The following NCOA2 variants were observed in gnomAD, a reference collection of about 807,000 sequenced individuals.
NCOA2 encodes nuclear receptor coactivator 2.
In NCOA2, 21 loss-of-function variants were observed where a neutral mutation model predicts 145.1. The observed-to-expected ratio is 0.14, with a 90% confidence interval of 0.10 to 0.21. The LOEUF (loss-of-function observed/expected upper bound fraction) is 0.21, where lower values mean the gene tolerates loss of function less well. Among genes scored for constraint, NCOA2 ranks in the 10% least tolerant of loss-of-function variants. NCOA2 has a pLI of 1.00. For missense variants in NCOA2, 1,472 were observed against 1,837.6 expected (o/e 0.80, Z 3.64); for synonymous variants, 619 against 637.5 (o/e 0.97, Z 0.44).
In NCOA2 at chr8:70,111,161, G is replaced by A. The variant is rs138693819; in HGVS notation, c.*2471C>T. 5.9e-4 allele frequency: 130 copies of A among 221,064 alleles called. No homozygotes were observed. The highest frequency in any genetic ancestry group is 3.1e-3 in the South Asian group (17 of 5,430). The allele number at this position is 221,064 out of a possible 1,614,324, so 13.7% of individuals were successfully genotyped here. A position where few individuals can be genotyped will look rare whatever the true frequency, so the allele number is the denominator to read the frequency against. The stretch of plus-strand genomic sequence containing the variant: ...TTTCCTTCAAAACAGCAATGATCAC[G>A]AATTATTATAAATTACCAGTATCAT... On this transcript the variant is annotated 3_prime_UTR_variant, in exon 23 of 23. Coordinates refer to ENST00000452400, the MANE Select transcript of NCOA2 (RefSeq NM_006540.4).
the NCOA2 span, among the ~76,000 whole-genome samples, chr8:70,432,761 T>C: frequency 6.6e-6 from 1 of 152,144 alleles, no homozygotes; most frequent in East Asian, 1.9e-4. Context: ...AAAATTACAA[T>C]AAAAATTCTT....
At position 70,170,471 on chromosome 8, in the gene NCOA2, C is replaced by T. The variant is rs148824688; in HGVS notation, c.364-92G>A. On this transcript the variant is annotated intron_variant, in intron 5 of 22. Coordinates refer to ENST00000452400, the MANE Select transcript of NCOA2 (RefSeq NM_006540.4). ...GGGAATGATCCCTTTCAAGGAAACA[C>T]AATTCACACACAGATAGAAAAGAGA... is the stretch of plus-strand genomic sequence containing the variant. 58 of 1,101,766 alleles carry T rather than the reference C, an allele frequency of 5.3e-5. No individual in the cohort carries two copies. In the African/African-American group the frequency reaches 8.3e-4, roughly 16 times the overall value. The allele number at this position is 1,101,766 out of a possible 1,614,324, so 68.2% of individuals were successfully genotyped here. A position where few individuals can be genotyped will look rare whatever the true frequency, so the allele number is the denominator to read the frequency against.
At chr8:70,343,966 AC>A (rs1384963465) in intron 1 of NCOA2, among the ~76,000 whole-genome samples, 1 of 152,130 alleles carries the variant, frequency 6.6e-6, no homozygotes, top group South Asian at 2.1e-4. Context: ...TTATAAGGTT[AC>A]CCCAGACCAG....
chr8:70,410,920 G>T, the NCOA2 span, among the ~76,000 whole-genome samples: 1 of 152,194 alleles, frequency 6.6e-6, no homozygotes, highest in South Asian at 2.1e-4. Context: ...CTGGAAAAAG[G>T]GAAGACAGAA....
the NCOA2 span, among the ~76,000 whole-genome samples, chr8:70,437,620 A>G: frequency 2.6e-5 from 4 of 152,254 alleles, no homozygotes; most frequent in African/African-American, 9.6e-5. Flanking sequence ...CCCAGTGCAT[A>G]AGACAATACA....
At chr8:70,448,141 A>G in the NCOA2 span, among the ~76,000 whole-genome samples, 58 of 152,090 alleles carry the variant, frequency 3.8e-4, no homozygotes, top group Middle Eastern at 3.4e-3. Flanking sequence ...GAACAAAGGG[A>G]TAAAATGGAG....
At chr8:70,426,702 G>A in the NCOA2 span, among the ~76,000 whole-genome samples, 4 of 152,172 alleles carry the variant, frequency 2.6e-5, no homozygotes, top group Non-Finnish European at 5.9e-5. Flanking sequence ...TTCTGTGCCC[G>A]GCATGTAGTA....
At chr8:70,164,115 A>C (rs1813351842) in intron 7 of NCOA2, among the ~76,000 whole-genome samples, 1 of 152,226 alleles carries the variant, frequency 6.6e-6, no homozygotes, top group Admixed American at 6.5e-5. Context: ...ACGCAGATTC[A>C]GAGAACGACT....
At chr8:70,426,421 A>G in the NCOA2 span, among the ~76,000 whole-genome samples, 1 of 152,256 alleles carries the variant, frequency 6.6e-6, no homozygotes, top group African/African-American at 2.4e-5. Context: ...ATATAGTTAC[A>G]TGAAATTGTA....
chr8:70,280,192 A>T (rs1825767686), intron 2 of NCOA2, among the ~76,000 whole-genome samples: 1 of 152,132 alleles, frequency 6.6e-6, no homozygotes, highest in South Asian at 2.1e-4. Flanking sequence ...AGAAGCCATA[A>T]CCCCTTGCCT....
At chr8:70,325,211 T>A (rs1306969544) in intron 1 of NCOA2, among the ~76,000 whole-genome samples, 1 of 152,236 alleles carries the variant, frequency 6.6e-6, no homozygotes, top group Non-Finnish European at 1.5e-5. Context: ...AATCTTCGTC[T>A]GGTTATATAA....
At chr8:70,299,412 ATATAT>A (rs1202120788) in intron 1 of NCOA2, among the ~76,000 whole-genome samples, 1 of 152,216 alleles carries the variant, frequency 6.6e-6, no homozygotes, top group Non-Finnish European at 1.5e-5. Flanking sequence ...CATATCTAGA[ATATAT>A]TATATAAGGA....
rs1443793017 is a variant in NCOA2 at position 70,144,772 on chromosome 8, T to C, written c.2682A>G (p.Gln894=). The change falls in exon 13 of 23, where the codon CAA becomes CAG. Residue 894 remains glutamine (Q), a synonymous_variant. Transcript: ENST00000452400. ...GGAAAGGTCCAGCACCAGTTGGGCT[T>C]TGCAATGTGATGTCAAGTGGTAAAT... The part of the protein sequence containing the change: ...NQNLPLDITL[Q]SPTGAGPFPP... The C allele has an allele frequency of 1.2e-6, 2 of 1,614,002 alleles. No individual in the cohort carries two copies. The highest frequency in any genetic ancestry group is 1.7e-6 in the Non-Finnish European group (2 of 1,179,876).
intron 12 of NCOA2, among the ~76,000 whole-genome samples, chr8:70,147,113 C>T (rs747901850): frequency 1.2e-4 from 12 of 97,120 alleles, no homozygotes; most frequent in South Asian, 3.1e-4. Context: ...AAATCTTTCG[C>T]GCGCGCGCGC....
At chr8:70,362,483 A>T (rs557735685) in intron 1 of NCOA2, among the ~76,000 whole-genome samples, 1 of 152,304 alleles carries the variant, frequency 6.6e-6, no homozygotes, top group Non-Finnish European at 1.5e-5. Context: ...AGGTTTTTTT[A>T]ACGTGCAAAA....
chr8:70,121,960 T>C (rs1042529685), intron 21 of NCOA2, among the ~76,000 whole-genome samples: 15 of 152,254 alleles, frequency 9.9e-5, no homozygotes, highest in African/African-American at 3.4e-4. Flanking sequence ...ACTGCAGTTG[T>C]GCCTTGGGGC....
At chr8:70,116,890 T>C (rs1807202714) in intron 22 of NCOA2, among the ~76,000 whole-genome samples, 1 of 152,208 alleles carries the variant, frequency 6.6e-6, no homozygotes, top group Non-Finnish European at 1.5e-5. Flanking sequence ...AGAGGTGCTG[T>C]GTCGCCCAGG....
At chr8:70,141,974 T>C (rs1247404832) in intron 13 of NCOA2, among the ~76,000 whole-genome samples, 2 of 152,188 alleles carry the variant, frequency 1.3e-5, no homozygotes, top group African/African-American at 4.8e-5. Flanking sequence ...AGGGAGTTCC[T>C]TGCCTTGTAT....
At chr8:70,250,013 ATGATGAGAG>A (rs1823001207) in intron 2 of NCOA2, among the ~76,000 whole-genome samples, 1 of 151,540 alleles carries the variant, frequency 6.6e-6, no homozygotes, top group African/African-American at 2.4e-5. Flanking sequence ...CCAAAAAATG[ATGATGAGAG>A]TTAAACTGGG....
Sources: allele counts gnomAD v4.1 joint callset (sites outside exome capture counted in the v4.1 genomes callset), GRCh38; gene constraint gnomAD v4.1.1; transcripts MANE v1.5; gene names NCBI Gene and HGNC (gene_info 2026-07-23, HGNC 2026-07-21).